ALDH1L2: variants seen among roughly 807,000 people sequenced by gnomAD.
The protein encoded by ALDH1L2 is aldehyde dehydrogenase 1 family member L2.
A neutral mutation model predicts 111.0 loss-of-function variants in ALDH1L2; 91 were observed. The observed-to-expected ratio is 0.82, with a 90% confidence interval of 0.69 to 0.98. The LOEUF is 0.98. ALDH1L2 is among the 50% of genes least tolerant of loss of function. ALDH1L2 has a pLI of 0.00. For missense variants in ALDH1L2, 995 were observed against 1,126.8 expected (o/e 0.88, Z 1.67); for synonymous variants, 374 against 392.6 (o/e 0.95, Z 0.56).
At chr12:105,031,336 A>G (rs745552996) in intron 20 of ALDH1L2, among the ~76,000 whole-genome samples, 6 of 152,178 alleles carry the variant, frequency 3.9e-5, no homozygotes, top group Admixed American at 1.3e-4. Flanking sequence ...TGCAGTTCTT[A>G]TGAATAGAAA....
intron 18 of ALDH1L2, among the ~76,000 whole-genome samples, chr12:105,036,682 G>T (rs1489387544): frequency 5.4e-5 from 8 of 148,028 alleles, no homozygotes; most frequent in Non-Finnish European, 1.2e-4. Flanking sequence ...AACATAGTGA[G>T]ATCCCATCTC....
intron 19 of ALDH1L2, 49 bp downstream of exon 19, chr12:105,034,251 T>A (rs1874857439): frequency 1.3e-6 from 2 of 1,575,628 alleles, no homozygotes; most frequent in African/African-American, 2.7e-5. Flanking sequence ...ATTTTTCAAG[T>A]AAAAGCAAAA....
chr12:105,072,521 A>C lies in ALDH1L2; in HGVS notation c.193+1340T>G, dbSNP rs191039622. 33 of 152,296 alleles carry C rather than the reference A, an allele frequency of 2.2e-4. No homozygotes were observed. In the East Asian group the frequency reaches 6.0e-3, roughly 28 times the overall value. 9.4% of individuals were successfully genotyped at this position (152,296 alleles called of 1,614,324 possible). A position where few individuals can be genotyped will look rare whatever the true frequency, so the allele number is the denominator to read the frequency against. ...AGCACAATAGTGTTCACAAAATGTG[A>C]GTGTTCATAAGATGTTCAAAAAACT... On this transcript the variant is annotated intron_variant, in intron 2 of 22. Coordinates refer to ENST00000258494, the MANE Select transcript of ALDH1L2 (RefSeq NM_001034173.4).
chr12:105,048,210 A>G (rs932299173), intron 13 of ALDH1L2: 1 of 152,256 alleles, frequency 6.6e-6, no homozygotes, highest in Non-Finnish European at 1.5e-5. Flanking sequence ...TCCTCAAAAC[A>G]TAACTTGCAA....
chr12:105,047,328 C>T (rs149556280), intron 13 of ALDH1L2: 318 of 269,840 alleles, frequency 1.2e-3, no homozygotes, highest in African/African-American at 6.8e-3. Context: ...TCCCATTCTC[C>T]AGATTAGGGA....
intron 2 of ALDH1L2, among the ~76,000 whole-genome samples, chr12:105,072,844 G>C (rs1877814695): frequency 6.6e-6 from 1 of 152,102 alleles, no homozygotes; most frequent in Non-Finnish European, 1.5e-5. Flanking sequence ...TATGATGGTG[G>C]GTGCCTGTAA....
At chr12:105,073,671 C>T in intron 2 of ALDH1L2, 190 bp downstream of exon 2, 1 of 702,772 alleles carries the variant, frequency 1.4e-6, no homozygotes, top group Non-Finnish European at 2.3e-6. Flanking sequence ...CAATGGGATA[C>T]AAGTGGGAGT....
In ALDH1L2 at chr12:105,050,801, CTCATGAGACTTATATACTT is replaced by C. The variant is rs563053253; in HGVS notation, c.1536-762_1536-744del. The C allele has an allele frequency of 1.7e-4, 60 of 362,712 alleles. 1 individual carries two copies. Among genetic ancestry groups the C allele is most frequent in the South Asian group, 1.2e-3 (59 of 47,296 alleles). The allele number at this position is 362,712 out of a possible 1,614,324, so 22.5% of individuals were successfully genotyped here. On this transcript the variant is annotated intron_variant, in intron 12 of 22. Transcript: ENST00000258494. Reference sequence around the variant, plus strand: ...ACTGCCCTTTATAAAACCATCAAATCTCATGAGACTTATATACTTTCATGAGAACAGCACAGGAAAGACT... The same window carrying C: ...ACTGCCCTTTATAAAACCATCAAATCTCATGAGAACAGCACAGGAAAGACT...
rs141343979 is a variant in ALDH1L2 at position 105,038,372 on chromosome 12, A to C, written c.2046-170T>G. On this transcript the variant is annotated intron_variant, in intron 17 of 22. Coordinates refer to ENST00000258494, the MANE Select transcript of ALDH1L2 (RefSeq NM_001034173.4). ...TGGCATGGAAAACATATTGAGCCTC[A>C]GTAATATTAAGAAACTTATTCAAGG... Among the ~76,000 whole-genome samples the C allele has an allele frequency of 6.3e-4, 96 of 152,084 alleles. 1 individual carries two copies. Among genetic ancestry groups the C allele is most frequent in the African/African-American group, 2.2e-3 (92 of 41,504 alleles).
In ALDH1L2 at chr12:105,038,121, A is replaced by C. The variant is rs1335439970; in HGVS notation, c.2127T>G (p.Leu709=). Residue 709 remains leucine, a synonymous_variant, in exon 18 of 23, where the codon CTT becomes CTG. Coordinates refer to ENST00000258494, the MANE Select transcript of ALDH1L2 (RefSeq NM_001034173.4). ...SPLIIFNDCE[L]DKAVRMGMGA... is the part of the protein sequence containing the mutation. ...CTCTTACCATTCGCACAGCCTTGTC[A>C]AGTTCACAGTCATTAAATATTATAA... is the stretch of plus-strand genomic sequence containing the variant. 2 of 1,613,476 alleles carry C rather than the reference A, an allele frequency of 1.2e-6. No individual in the cohort carries two copies. Among genetic ancestry groups the C allele is most frequent in the East Asian group, 2.2e-5 (1 of 44,852 alleles).
intron 6 of ALDH1L2, among the ~76,000 whole-genome samples, chr12:105,064,299 C>A (rs1235986325): frequency 2.0e-5 from 3 of 151,690 alleles, no homozygotes; most frequent in Non-Finnish European, 4.4e-5. Context: ...TTAATCTTCA[C>A]AATTACCCAT....
chr12:105,063,859 G>A (rs1877169793), intron 6 of ALDH1L2, among the ~76,000 whole-genome samples: 2 of 152,158 alleles, frequency 1.3e-5, no homozygotes, highest in African/African-American at 4.8e-5. Context: ...CTTCTAGGAT[G>A]ATCAGCTATC....
At chr12:105,056,322 A>C (rs986179207) in intron 10 of ALDH1L2, among the ~76,000 whole-genome samples, 1 of 152,152 alleles carries the variant, frequency 6.6e-6, no homozygotes, top group Non-Finnish European at 1.5e-5. Flanking sequence ...ATCCTTCAGA[A>C]ATGAAGGAGA....
intron 21 of ALDH1L2, 125 bp downstream of exon 21, chr12:105,030,199 T>A (rs1470916740): frequency 5.2e-6 from 3 of 571,730 alleles, no homozygotes; most frequent in Admixed American, 4.1e-5. Context: ...TTATTTAAGT[T>A]AATTATTCTT....
At chr12:105,075,977 G>A (rs1271925750) in intron 1 of ALDH1L2, among the ~76,000 whole-genome samples, 1 of 152,064 alleles carries the variant, frequency 6.6e-6, no homozygotes, top group Non-Finnish European at 1.5e-5. Context: ...GTAGAGACAG[G>A]GTTTCACCAT....
rs1207686390 is a variant in ALDH1L2 at position 105,046,917 on chromosome 12, G to A, written c.1739C>T (p.Thr580Ile). 2 of 1,614,084 alleles carry A rather than the reference G, an allele frequency of 1.2e-6. No homozygotes were observed. Among genetic ancestry groups the A allele is most frequent in the Non-Finnish European group, 1.7e-6 (2 of 1,179,972 alleles). ...QARPNRNLTF[T>I]KKEPLGVCAI... ...ATCTTACCCGAGTGGCTCTTTCTTG[G>A]TGAAGGTCAGATTGCGATTTGGACG... The change falls in exon 14 of 23, where the codon ACC becomes ATC. Residue 580 changes from threonine (T) to isoleucine (I), a missense_variant. Physicochemically the swap from Thr to Ile is moderately conservative, Grantham distance 89 (BLOSUM62 -1). Transcript: ENST00000258494.
intron 19 of ALDH1L2, among the ~76,000 whole-genome samples, chr12:105,032,928 C>T (rs890577558): frequency 3.3e-5 from 5 of 152,010 alleles, no homozygotes; most frequent in Admixed American, 6.5e-5. Flanking sequence ...AATGCTCTGA[C>T]GAAAAATAAT....
intron 10 of ALDH1L2, among the ~76,000 whole-genome samples, chr12:105,057,336 G>A (rs886969873): frequency 1.3e-5 from 2 of 151,980 alleles, no homozygotes; most frequent in Admixed American, 6.6e-5. Context: ...TAGCCACTTC[G>A]GAAAACAGTT....
rs999191703 is a variant in ALDH1L2 at position 105,022,372 on chromosome 12, A to T, written c.*2052T>A. 6.6e-6 allele frequency: 1 copy of T among 152,202 alleles called. No individual in the cohort carries two copies. The highest frequency in any genetic ancestry group is 2.4e-5 in the African/African-American group (1 of 41,450). 9.4% of individuals were successfully genotyped at this position (152,202 alleles called of 1,614,324 possible). On this transcript the variant is annotated 3_prime_UTR_variant, in exon 23 of 23. Coordinates refer to ENST00000258494, the MANE Select transcript of ALDH1L2 (RefSeq NM_001034173.4). ...TAGAAGCGGGACACAGGGAGTGTTC[A>T]TAGCTTTTATCAGATTCCCAAAGAG...
Sources: allele counts gnomAD v4.1 joint callset (sites outside exome capture counted in the v4.1 genomes callset), GRCh38; gene constraint gnomAD v4.1.1; transcripts MANE v1.5; gene names NCBI Gene and HGNC (gene_info 2026-07-23, HGNC 2026-07-21).